Variants in NCK2 observed in about 807,000 individuals in gnomAD.
NCK2 encodes NCK adaptor protein 2, also known as cytoplasmic protein NCK2.
NCK2 carries 16 observed loss-of-function variants against 33.9 expected under a neutral mutation model. That is an observed-to-expected ratio of 0.47 (90% CI 0.32 to 0.72). The LOEUF (loss-of-function observed/expected upper bound fraction) is 0.72, where lower values mean the gene tolerates loss of function less well. Among genes scored for constraint, NCK2 ranks in the 30% least tolerant of loss-of-function variants. The pLI is 0.03. For missense variants in NCK2, 418 were observed against 537.3 expected (o/e 0.78, Z 2.19); for synonymous variants, 273 against 239.9 (o/e 1.14, Z -1.27).
chr2:105,866,349 C>G (rs1023662105), intron 3 of NCK2, among the ~76,000 whole-genome samples: 1 of 151,790 alleles, frequency 6.6e-6, no homozygotes, highest in Non-Finnish European at 1.5e-5. Flanking sequence ...AGTATATAAT[C>G]AAGATCCTGT....
chr2:105,824,546 G>A (rs13429800), intron 2 of NCK2, among the ~76,000 whole-genome samples: 95,311 of 151,948 alleles, frequency 0.63, 30,824 homozygotes, highest in African/African-American at 0.79. Flanking sequence ...AAATGTAACC[G>A]TATCTTCCAA....
intron 1 of NCK2, among the ~76,000 whole-genome samples, chr2:105,809,133 T>G (rs1334321665): frequency 6.6e-6 from 1 of 152,184 alleles, no homozygotes; most frequent in East Asian, 1.9e-4. Context: ...ATCAGTTCTT[T>G]CTGGTGTGCA....
At chr2:105,829,430 C>T (rs1676080678) in intron 2 of NCK2, among the ~76,000 whole-genome samples, 2 of 152,096 alleles carry the variant, frequency 1.3e-5, no homozygotes, top group African/African-American at 4.8e-5. Flanking sequence ...AAGGTCTGTA[C>T]TTTATTTGGA....
At chr2:105,745,887 T>A (rs1363502149) in intron 1 of NCK2, 3 of 152,198 alleles carry the variant, frequency 2.0e-5, no homozygotes, top group Admixed American at 2.0e-4. Context: ...AAATTTGATA[T>A]GTGAGTTTTA....
intron 3 of NCK2, among the ~76,000 whole-genome samples, chr2:105,877,480 A>G (rs1678288107): frequency 6.6e-6 from 1 of 151,884 alleles, no homozygotes; most frequent in African/African-American, 2.4e-5. Context: ...AGACCTATTA[A>G]CTGCTGTTCT....
At chr2:105,792,341 C>T (rs1043353343) in intron 1 of NCK2, among the ~76,000 whole-genome samples, 2 of 152,194 alleles carry the variant, frequency 1.3e-5, no homozygotes, top group Non-Finnish European at 2.9e-5. Flanking sequence ...CCAGCTTCAG[C>T]AGTTATCAAT....
chr2:105,893,268 C>A lies in NCK2; in HGVS notation c.*92C>A. The A allele has an allele frequency of 1.6e-6, 2 of 1,245,386 alleles. No individual in the cohort carries two copies. The highest frequency in any genetic ancestry group is 2.2e-6 in the Non-Finnish European group (2 of 915,230). 77.1% of individuals were successfully genotyped at this position (1,245,386 alleles called of 1,614,324 possible). ...GAGGCTCCTCCCGCGGGGACGGCCC[C>A]GACGGCTTCTCTGCGAGTCTCTCTT... On this transcript the variant is annotated 3_prime_UTR_variant, in exon 5 of 5. Coordinates refer to ENST00000233154, the MANE Select transcript of NCK2 (RefSeq NM_003581.5).
chr2:105,855,234 G>A lies in NCK2; in HGVS notation c.171G>A (p.Glu57=). ...RTGYVPSNYV[E]RKNSLKKGSL... ...GCTATGTACCGTCCAACTACGTGGA[G>A]CGGAAGAACAGCCTGAAGAAGGGCT... is the stretch of plus-strand genomic sequence containing the variant. The change falls in exon 3 of 5, where the codon GAG becomes GAA. Residue 57 remains glutamate, a synonymous_variant. Transcript: ENST00000233154. The A allele has an allele frequency of 6.2e-7, 1 of 1,613,630 alleles. No individual in the cohort carries two copies. The highest frequency in any genetic ancestry group is 2.2e-5 in the East Asian group (1 of 44,872).
In NCK2 at chr2:105,876,135, T is replaced by C. The variant is rs1379646879; in HGVS notation, c.227-5193T>C. Among the ~76,000 whole-genome samples, 4 of 152,236 alleles carry C rather than the reference T, an allele frequency of 2.6e-5. No homozygotes were observed. The East Asian group carries it at 5.8e-4, about 22-fold the overall frequency. On this transcript the variant is annotated intron_variant, in intron 3 of 4. Transcript: ENST00000233154. ...TTTTGTAACGGTCACATTCTAGATA[T>C]GATCATCGCAATATGATTTATCCAA...
intron 1 of NCK2, among the ~76,000 whole-genome samples, chr2:105,794,884 G>T (rs1430144520): frequency 6.6e-6 from 1 of 152,020 alleles, no homozygotes; most frequent in African/African-American, 2.4e-5. Flanking sequence ...GCCAAAGATG[G>T]TTATGTCCAG....
intron 1 of NCK2, among the ~76,000 whole-genome samples, chr2:105,807,275 T>G (rs1675084227): frequency 6.6e-6 from 1 of 152,182 alleles, no homozygotes; most frequent in Non-Finnish European, 1.5e-5. Context: ...CTCTCTAAGA[T>G]TCATAGGTGG....
chr2:105,757,205 TG>T (rs1689624735), intron 1 of NCK2, among the ~76,000 whole-genome samples: 1 of 152,222 alleles, frequency 6.6e-6, no homozygotes, highest in South Asian at 2.1e-4. Context: ...GCTACTAATT[TG>T]GCTAAAATTG....
Position 105,881,571 on chromosome 2 carries a change from T to A in NCK2, c.470T>A (p.Ile157Asn), listed in dbSNP as rs748295860. 6.2e-7 allele frequency: 1 copy of A among 1,613,820 alleles called. No individual in the cohort carries two copies. The highest frequency in any genetic ancestry group is 8.5e-7 in the Non-Finnish European group (1 of 1,179,980). ...GWWRGSYNGQIGWFPSNYVLE... is the reference protein window; with the variant it reads ...GWWRGSYNGQNGWFPSNYVLE... ...TGGCGGGGCAGCTACAACGGGCAGA[T>A]CGGCTGGTTCCCCTCCAACTACGTC... The change falls in exon 4 of 5, where the codon ATC becomes AAC. Residue 157 changes from isoleucine to asparagine, a missense_variant. Ile to Asn is a moderately radical substitution (Grantham distance 149). Coordinates refer to ENST00000233154, the MANE Select transcript of NCK2 (RefSeq NM_003581.5).
intron 2 of NCK2, among the ~76,000 whole-genome samples, chr2:105,840,251 C>CAGAGGTGGGA (rs1459107047): frequency 2.0e-5 from 3 of 152,100 alleles, no homozygotes; most frequent in African/African-American, 7.2e-5. Flanking sequence ...AGGTTCCTTC[C>CAGAGGTGGGA]AGAGGTGGGA....
intron 1 of NCK2, among the ~76,000 whole-genome samples, chr2:105,752,149 G>T (rs1689473806): frequency 6.6e-6 from 1 of 152,136 alleles, no homozygotes; most frequent in African/African-American, 2.4e-5. Context: ...GCGACTAGTG[G>T]CAGCCTTGTT....
chr2:105,847,639 G>A (rs1234097765), intron 2 of NCK2, among the ~76,000 whole-genome samples: 1 of 151,844 alleles, frequency 6.6e-6, no homozygotes, highest in Non-Finnish European at 1.5e-5. Flanking sequence ...GGACACGCAG[G>A]GTACATCAGG....
chr2:105,864,828 T>TACAC (rs10524426), intron 3 of NCK2, among the ~76,000 whole-genome samples: 3,466 of 144,332 alleles, frequency 0.024, 53 homozygotes, highest in African/African-American at 0.024. Context: ...CATGTGCATG[T>TACAC]ACACACACAC....
At chr2:105,884,917 C>T (rs752629376) in intron 4 of NCK2, among the ~76,000 whole-genome samples, 1 of 152,164 alleles carries the variant, frequency 6.6e-6, no homozygotes, top group Non-Finnish European at 1.5e-5. Flanking sequence ...ACCTGTGAGC[C>T]ATACCTGCTT....
chr2:105,848,784 A>G (rs972663153), intron 2 of NCK2, among the ~76,000 whole-genome samples: 1 of 152,226 alleles, frequency 6.6e-6, no homozygotes, highest in Non-Finnish European at 1.5e-5. Context: ...CCATAAATTG[A>G]TCAGTTGCAT....
Sources: gnomAD v4.1 joint callset for allele counts (sites outside exome capture counted in the v4.1 genomes callset) on GRCh38, gnomAD v4.1.1 for gene constraint, MANE v1.5 for transcripts, NCBI Gene and HGNC (gene_info 2026-07-23, HGNC 2026-07-21) for gene names.